The following ENOX2 variants were observed in gnomAD, a reference collection of about 807,000 sequenced individuals.
ENOX2 encodes ecto-NOX disulfide-thiol exchanger 2.
Under a neutral mutation model 45.0 loss-of-function variants are expected in ENOX2, and 36 were observed. That is an observed-to-expected ratio of 0.80 (90% confidence interval 0.61 to 1.06). The LOEUF (loss-of-function observed/expected upper bound fraction) is 1.06, where lower values mean the gene tolerates loss of function less well. ENOX2 is among the 50% of genes least tolerant of loss of function. The pLI, the probability that ENOX2 is intolerant of heterozygous loss-of-function variation, is 0.00. For missense variants in ENOX2, 423 were observed against 462.5 expected, an observed-to-expected ratio of 0.91 and a Z score of 0.78; for synonymous variants, 174 against 152.3, an observed-to-expected ratio of 1.14 and a Z score of -1.05.
At position 130,798,697 on chromosome X, in the gene ENOX2, TTTC is replaced by T. The variant is rs1243366623; in HGVS notation, c.-182-15010_-182-15008del. On this transcript the variant is annotated intron_variant, in intron 2 of 14. Coordinates refer to ENST00000394363, the MANE Select transcript of ENOX2 (RefSeq NM_006375.4). ...AATACTTCAGAAATATTGTGTCTGT[TTTC>T]TTATTAATTTCCAGGAGAAAGGTTC... Among the ~76,000 whole-genome samples, 5 of 112,338 alleles carry T rather than the reference TTTC, an allele frequency of 4.5e-5. No individual in the cohort carries two copies. In the South Asian group the frequency reaches 1.1e-3, roughly 25 times the overall value.
intron 2 of ENOX2, among the ~76,000 whole-genome samples, chrX:130,829,674 C>T (rs1328857562): frequency 9.0e-6 from 1 of 111,355 alleles, no homozygotes; most frequent in African/African-American, 3.3e-5. Flanking sequence ...GAGCTTTACA[C>T]ACATTGACTC....
chrX:130,795,697 A>G (rs963362417), intron 2 of ENOX2, among the ~76,000 whole-genome samples: 1 of 111,912 alleles, frequency 8.9e-6, no homozygotes, highest in African/African-American at 3.2e-5. Flanking sequence ...TCTCTTGCCA[A>G]TTCCCCTAAG....
intron 2 of ENOX2, among the ~76,000 whole-genome samples, chrX:130,852,884 A>G (rs2078236999): frequency 9.0e-6 from 1 of 111,477 alleles, no homozygotes; most frequent in African/African-American, 3.3e-5. Context: ...GTGGTGAATT[A>G]CAACAAAAAA....
intron 10 of ENOX2, among the ~76,000 whole-genome samples, chrX:130,639,181 T>C (rs2036015953): frequency 1.8e-5 from 2 of 111,921 alleles, no homozygotes; most frequent in African/African-American, 6.5e-5. Context: ...CCTGGTCTTC[T>C]TCACAAGGCC....
chrX:130,778,613 T>TA (rs772507661), intron 3 of ENOX2, among the ~76,000 whole-genome samples: 36 of 112,241 alleles, frequency 3.2e-4, no homozygotes, highest in Middle Eastern at 9.3e-3. Context: ...GAGAATACAT[T>TA]AAGAGAAAGA....
chrX:130,897,057 A>G (rs1253207747), intron 2 of ENOX2, among the ~76,000 whole-genome samples: 1 of 112,294 alleles, frequency 8.9e-6, no homozygotes, highest in Non-Finnish European at 1.9e-5. Flanking sequence ...ATACATCTAC[A>G]TGACATTTAA....
chrX:130,882,248 A>G (rs1158797596), intron 2 of ENOX2, among the ~76,000 whole-genome samples: 1 of 107,371 alleles, frequency 9.3e-6, no homozygotes, highest in African/African-American at 3.4e-5. Context: ...TAAGATATAG[A>G]GAGCGTTGTG....
chrX:130,876,409 G>C (rs1322260670), intron 2 of ENOX2, among the ~76,000 whole-genome samples: 1 of 111,704 alleles, frequency 9.0e-6, no homozygotes, highest in Non-Finnish European at 1.9e-5. Flanking sequence ...TCTATAGAGG[G>C]AGTAGATTAG....
At chrX:130,659,351 ATAGT>A (rs940566151) in intron 9 of ENOX2, among the ~76,000 whole-genome samples, 2 of 112,058 alleles carry the variant, frequency 1.8e-5, no homozygotes, top group Admixed American at 1.9e-4. Context: ...ATCATCACTG[ATAGT>A]TAAGAATAGA....
chrX:130,733,052 G>A (rs986261340), intron 3 of ENOX2, among the ~76,000 whole-genome samples: 1 of 111,837 alleles, frequency 8.9e-6, no homozygotes. Flanking sequence ...TTTCTGTACA[G>A]CAAAGGAAAA....
At chrX:130,852,380 A>G (rs978550433) in intron 2 of ENOX2, among the ~76,000 whole-genome samples, 10 of 112,317 alleles carry the variant, frequency 8.9e-5, no homozygotes, top group African/African-American at 3.2e-4. Flanking sequence ...CAGCCCATGC[A>G]CTTATAGAGC....
At chrX:130,645,733 T>C in intron 10 of ENOX2, 4 of 780,600 alleles carry the variant, frequency 5.1e-6, no homozygotes, top group Non-Finnish European at 7.5e-6. Flanking sequence ...ATGGTGAACC[T>C]AGCAGCCATG....
chrX:130,756,188 A>G (rs1360198674), intron 3 of ENOX2, among the ~76,000 whole-genome samples: 3 of 112,362 alleles, frequency 2.7e-5, no homozygotes, highest in African/African-American at 9.7e-5. Context: ...TCTTTCTCCA[A>G]TGATGCCCAT....
In ENOX2 at chrX:130,789,667, C is replaced by G. The variant is rs767005531; in HGVS notation, c.-182-5977G>C. 6.2e-5 allele frequency among the ~76,000 whole-genome samples: 7 copies of G among 112,502 alleles called. No homozygotes were observed. The South Asian group carries it at 2.6e-3, about 42-fold the overall frequency. ...TTGTCTGTAAAACAAGTTTCTATAA[C>G]CTAATTCTTATTTTCCAAATGACTT... is the stretch of plus-strand genomic sequence containing the variant. On this transcript the variant is annotated intron_variant, in intron 2 of 14. Transcript: ENST00000394363.
At chrX:130,814,897 T>C (rs1014359671) in intron 2 of ENOX2, among the ~76,000 whole-genome samples, 1 of 111,425 alleles carries the variant, frequency 9.0e-6, no homozygotes, top group Admixed American at 9.5e-5. Flanking sequence ...GGGAATGAGT[T>C]TGATGAATTG....
intron 2 of ENOX2, among the ~76,000 whole-genome samples, chrX:130,791,870 C>T (rs950713230): frequency 1.8e-5 from 2 of 111,929 alleles, no homozygotes; most frequent in African/African-American, 6.5e-5. Flanking sequence ...TGACCAAGAC[C>T]GTTACCTGAG....
intron 6 of ENOX2, 63 bp downstream of exon 6, chrX:130,679,479 T>C: frequency 2.1e-6 from 2 of 960,938 alleles, no homozygotes; most frequent in Non-Finnish European, 3.0e-6. Context: ...TAGACACAAA[T>C]AGTTCTATCT....
rs755689855 is a variant in ENOX2, at chrX:130,631,586, C to G, written c.1420-10G>C. On this transcript the variant is annotated splice_polypyrimidine_tract_variant and intron_variant, in intron 12 of 14. Coordinates refer to ENST00000394363, the MANE Select transcript of ENOX2 (RefSeq NM_006375.4). ...TAGAAGCACAGCTTTCCTGTGGACA[C>G]AACATGCTTCTAGGTCAGTTCACTT... is the stretch of plus-strand genomic sequence containing the variant. The G allele has an allele frequency of 2.8e-6, 3 of 1,054,381 alleles. No individual in the cohort carries two copies. Among genetic ancestry groups the G allele is most frequent in the South Asian group, 3.7e-5 (2 of 53,466 alleles). 86.9% of individuals were successfully genotyped at this position (1,054,381 alleles called of 1,213,427 possible). A position where few individuals can be genotyped will look rare whatever the true frequency, so the allele number is the denominator to read the frequency against.
At chrX:130,711,301 G>A (rs746301565) in intron 3 of ENOX2, among the ~76,000 whole-genome samples, 22 of 111,723 alleles carry the variant, frequency 2.0e-4, no homozygotes, top group Non-Finnish European at 2.6e-4. Flanking sequence ...ATCTATCATT[G>A]TTTGTGAACA....
Sources: gnomAD v4.1 joint callset for allele counts (sites outside exome capture counted in the v4.1 genomes callset) on GRCh38, gnomAD v4.1.1 for gene constraint, MANE v1.5 for transcripts, NCBI Gene and HGNC (gene_info 2026-07-23, HGNC 2026-07-21) for gene names.